Variants in ZNF492 observed in about 807,000 individuals in gnomAD.
ZNF492 encodes zinc finger protein 115 (Y20).
ZNF492 carries 3 observed loss-of-function variants against 6.4 expected under a neutral mutation model. The observed-to-expected ratio is 0.47, with a 90% confidence interval of 0.21 to 1.22. The LOEUF (loss-of-function observed/expected upper bound fraction) is 1.22. ZNF492 is among the 50% of genes most tolerant of loss of function. The probability of loss-of-function intolerance (pLI) is 0.22; values close to 1 mark genes in which losing one functional copy is unlikely to be tolerated. For missense variants in ZNF492, 356 were observed against 612.5 expected, an observed-to-expected ratio of 0.58 and a Z score of 4.42; for synonymous variants, 112 against 205.3, an observed-to-expected ratio of 0.55 and a Z score of 3.89.
At chr19:22,650,817 C>G (rs1971932257) in intron 1 of ZNF492, among the ~76,000 whole-genome samples, 1 of 152,132 alleles carries the variant, frequency 6.6e-6, no homozygotes, top group South Asian at 2.1e-4. Flanking sequence ...TGACTGCCGC[C>G]CTTCCCCTGC....
rs1172838173 is a variant in ZNF492, at chr19:22,666,791, C to G, written c.*1526C>G. 1 of 152,030 alleles carries G rather than the reference C, an allele frequency of 6.6e-6. No homozygotes were observed. The highest frequency in any genetic ancestry group is 1.5e-5 in the Non-Finnish European group (1 of 67,992). 9.4% of individuals were successfully genotyped at this position (152,030 alleles called of 1,614,324 possible). A position where few individuals can be genotyped will look rare whatever the true frequency, so the allele number is the denominator to read the frequency against. On this transcript the variant is annotated 3_prime_UTR_variant, in exon 4 of 4. Transcript: ENST00000456783. ...TACTAATTTTACTTTTATGAAAATGCAGTACATGTTAAAAATTTTAGATTA... is the reference window on the plus strand; with the variant it reads ...TACTAATTTTACTTTTATGAAAATGGAGTACATGTTAAAAATTTTAGATTA...
At chr19:22,653,814 G>A (rs1035828288) in intron 2 of ZNF492, 106 bp from the exon 3 acceptor site, 317 of 1,205,962 alleles carry the variant, frequency 2.6e-4, no homozygotes, top group Non-Finnish European at 3.4e-4. Context: ...TTAGTATTTT[G>A]GAATCAATTT....
chr19:22,638,905 C>A (rs1001496566), intron 1 of ZNF492, among the ~76,000 whole-genome samples: 1 of 151,976 alleles, frequency 6.6e-6, no homozygotes, highest in African/African-American at 2.4e-5. Context: ...TGCAGTGGTG[C>A]GATTTCGGCT....
chr19:22,652,711 C>G (rs1441162334), intron 1 of ZNF492, among the ~76,000 whole-genome samples: 2 of 151,840 alleles, frequency 1.3e-5, no homozygotes, highest in Non-Finnish European at 2.9e-5. Flanking sequence ...TCCCGAGTAG[C>G]TGGGACTACG....
At chr19:22,654,319 C>T (rs1971972011) in intron 3 of ZNF492, among the ~76,000 whole-genome samples, 1 of 152,044 alleles carries the variant, frequency 6.6e-6, no homozygotes, top group Non-Finnish European at 1.5e-5. Context: ...TTTTTGAAAA[C>T]ACGTAGATAA....
chr19:22,638,420 A>G (rs1281557476), intron 1 of ZNF492, among the ~76,000 whole-genome samples: 2 of 152,130 alleles, frequency 1.3e-5, no homozygotes, highest in South Asian at 2.1e-4. Flanking sequence ...TCCAGTTTCA[A>G]TCTTCTACAT....
chr19:22,647,257 GTTGTTT>G (rs1315000436), intron 1 of ZNF492, among the ~76,000 whole-genome samples: 4 of 140,274 alleles, frequency 2.9e-5, no homozygotes, highest in African/African-American at 1.1e-4. Context: ...TTTGTTTGTT[GTTGTTT>G]TTTTTTTTTT....
At chr19:22,646,361 C>G (rs4024190) in intron 1 of ZNF492, among the ~76,000 whole-genome samples, 30,004 of 152,070 alleles carry the variant, frequency 0.2, 3,910 homozygotes, top group African/African-American at 0.38. Flanking sequence ...TTTGCACATT[C>G]ATTTTGTATC....
At chr19:22,650,842 G>A (rs1971932471) in intron 1 of ZNF492, among the ~76,000 whole-genome samples, 1 of 152,078 alleles carries the variant, frequency 6.6e-6, no homozygotes, top group Non-Finnish European at 1.5e-5. Flanking sequence ...GGAGCCTAGT[G>A]TGTTAGGCAG....
chr19:22,654,239 G>T (rs1971971073), intron 3 of ZNF492, among the ~76,000 whole-genome samples: 1 of 152,078 alleles, frequency 6.6e-6, no homozygotes, highest in African/African-American at 2.4e-5. Flanking sequence ...TCTTCTTCAA[G>T]TTTACAGTGA....
intron 1 of ZNF492, among the ~76,000 whole-genome samples, chr19:22,641,768 A>T (rs575365326): frequency 1.2e-4 from 18 of 152,076 alleles, no homozygotes; most frequent in Non-Finnish European, 1.8e-4. Context: ...TGATTTATTT[A>T]TGTGCCCCCA....
intron 1 of ZNF492, among the ~76,000 whole-genome samples, chr19:22,642,086 C>G (rs887209399): frequency 7.9e-5 from 12 of 152,122 alleles, no homozygotes; most frequent in African/African-American, 2.9e-4. Flanking sequence ...AGCCAGCGCG[C>G]CCGGCCACGC....
chr19:22,643,324 T>G (rs542028970), intron 1 of ZNF492, among the ~76,000 whole-genome samples: 2 of 152,282 alleles, frequency 1.3e-5, no homozygotes, highest in Admixed American at 1.3e-4. Context: ...AGTCGGATAT[T>G]GCTGCTTTCT....
chr19:22,658,538 C>T (rs1247615051), intron 3 of ZNF492, among the ~76,000 whole-genome samples: 1 of 141,854 alleles, frequency 7.0e-6, no homozygotes, highest in Non-Finnish European at 1.5e-5. Flanking sequence ...TTTCAAATAC[C>T]GTTCTGTTTT....
chr19:22,660,320 C>T (rs1972045906), intron 3 of ZNF492, among the ~76,000 whole-genome samples: 1 of 151,768 alleles, frequency 6.6e-6, no homozygotes, highest in South Asian at 2.1e-4. Flanking sequence ...TTGATTCTTG[C>T]ATCTTTGTTT....
chr19:22,661,530 T>A (rs1366430687), intron 3 of ZNF492, among the ~76,000 whole-genome samples: 2 of 152,160 alleles, frequency 1.3e-5, no homozygotes, highest in Non-Finnish European at 2.9e-5. Context: ...CTCTCAAACA[T>A]GTTCTTAGGA....
At chr19:22,663,053 T>C (rs1198027809) in intron 3 of ZNF492, among the ~76,000 whole-genome samples, 5 of 152,144 alleles carry the variant, frequency 3.3e-5, no homozygotes, top group Non-Finnish European at 7.3e-5. Context: ...TCCTCTAGGG[T>C]TTTTATGGTT....
At position 22,666,478 on chromosome 19, in the gene ZNF492, A is replaced by C. The variant is rs1455715098; in HGVS notation, c.*1213A>C. Reference sequence around the variant, plus strand: ...AATGCTGCAATTACAGGTGTTAGCCACTGCGCCTGCCTGATGTTGTTTCTT... The same window carrying C: ...AATGCTGCAATTACAGGTGTTAGCCCCTGCGCCTGCCTGATGTTGTTTCTT... On this transcript the variant is annotated 3_prime_UTR_variant, in exon 4 of 4. Coordinates refer to ENST00000456783, the MANE Select transcript of ZNF492 (RefSeq NM_020855.3). 1 of 152,194 alleles carries C rather than the reference A, an allele frequency of 6.6e-6. No individual in the cohort carries two copies. The highest frequency in any genetic ancestry group is 2.4e-5 in the African/African-American group (1 of 41,454). 9.4% of individuals were successfully genotyped at this position (152,194 alleles called of 1,614,324 possible).
intron 1 of ZNF492, among the ~76,000 whole-genome samples, chr19:22,645,920 G>A (rs1267344787): frequency 6.6e-6 from 1 of 152,174 alleles, no homozygotes; most frequent in Admixed American, 6.5e-5. Flanking sequence ...TTTGCTTACT[G>A]TAGTCTTGTA....
Sources: gnomAD v4.1 joint callset for allele counts (sites outside exome capture counted in the v4.1 genomes callset) on GRCh38, gnomAD v4.1.1 for gene constraint, MANE v1.5 for transcripts, NCBI Gene and HGNC (gene_info 2026-07-23, HGNC 2026-07-21) for gene names.